Variants in PPP3CA observed in about 807,000 individuals in gnomAD.
PPP3CA encodes the protein protein phosphatase 3 catalytic subunit alpha.
PPP3CA carries 14 observed loss-of-function variants against 66.5 expected under a neutral mutation model. The observed-to-expected ratio is 0.21, with a 90% CI of 0.14 to 0.33. PPP3CA has a LOEUF of 0.33. Ranked by LOEUF, PPP3CA falls within the 10% of genes least tolerant of loss-of-function variation. The probability of loss-of-function intolerance (pLI) is 1.00; values close to 1 mark genes in which losing one functional copy is unlikely to be tolerated. For synonymous variants in PPP3CA, 232 were observed against 226.2 expected (o/e 1.03, Z -0.23); for missense variants, 317 against 639.5 (o/e 0.50, Z 5.44).
intron 2 of PPP3CA, among the ~76,000 whole-genome samples, chr4:101,189,786 G>A (rs1724539089): frequency 6.7e-6 from 1 of 148,578 alleles, no homozygotes; most frequent in Non-Finnish European, 1.5e-5. Flanking sequence ...AAAAAATTAT[G>A]ATCTACTGTC....
At chr4:101,290,589 C>T (rs931292744) in intron 1 of PPP3CA, among the ~76,000 whole-genome samples, 2 of 152,182 alleles carry the variant, frequency 1.3e-5, no homozygotes, top group East Asian at 1.9e-4. Flanking sequence ...GATGGAGCAG[C>T]GATCAAAACA....
At chr4:101,292,020 G>A (rs748779898) in intron 1 of PPP3CA, among the ~76,000 whole-genome samples, 6 of 151,272 alleles carry the variant, frequency 4.0e-5, no homozygotes, top group Non-Finnish European at 7.4e-5. Flanking sequence ...TCAGCTATTC[G>A]AGAGACTGAA....
At chr4:101,205,829 A>G (rs553292719) in intron 1 of PPP3CA, among the ~76,000 whole-genome samples, 2 of 152,340 alleles carry the variant, frequency 1.3e-5, no homozygotes, top group South Asian at 2.1e-4. Context: ...AATGTTAACC[A>G]TTTTTGCATG....
intron 2 of PPP3CA, among the ~76,000 whole-genome samples, chr4:101,132,458 A>T (rs534750538): frequency 6.6e-6 from 1 of 152,340 alleles, no homozygotes; most frequent in East Asian, 1.9e-4. Context: ...ACCATCAGAG[A>T]ATACTATTAA....
chr4:101,041,953 C>A (rs1188555842), intron 10 of PPP3CA, among the ~76,000 whole-genome samples: 1 of 151,958 alleles, frequency 6.6e-6, no homozygotes, highest in African/African-American at 2.4e-5. Flanking sequence ...TAGATGATAA[C>A]TGGTATGTGT....
At chr4:101,305,824 A>G (rs944202583) in intron 1 of PPP3CA, among the ~76,000 whole-genome samples, 1 of 152,196 alleles carries the variant, frequency 6.6e-6, no homozygotes, top group Non-Finnish European at 1.5e-5. Flanking sequence ...CCTTTCATTA[A>G]TATCTTCTTT....
At chr4:101,299,862 A>C (rs1728321900) in intron 1 of PPP3CA, among the ~76,000 whole-genome samples, 1 of 152,194 alleles carries the variant, frequency 6.6e-6, no homozygotes, top group Admixed American at 6.5e-5. Flanking sequence ...ATCATCAAGG[A>C]CCAGCATGCC....
At chr4:101,145,720 A>G (rs1229542484) in intron 2 of PPP3CA, among the ~76,000 whole-genome samples, 4 of 152,216 alleles carry the variant, frequency 2.6e-5, no homozygotes, top group African/African-American at 9.6e-5. Context: ...TTACCCAACA[A>G]TAATTACATG....
intron 8 of PPP3CA, among the ~76,000 whole-genome samples, chr4:101,063,907 G>A (rs940285648): frequency 6.6e-6 from 1 of 151,902 alleles, no homozygotes; most frequent in Non-Finnish European, 1.5e-5. Flanking sequence ...ATAATGCACA[G>A]TAATCAGATC....
intron 2 of PPP3CA, among the ~76,000 whole-genome samples, chr4:101,189,698 A>AC (rs1724532425): frequency 1.3e-5 from 2 of 151,166 alleles, no homozygotes; most frequent in African/African-American, 4.9e-5. Flanking sequence ...AAAAAAAAAA[A>AC]AAAAAACAAA....
chr4:101,279,672 G>A (rs536528447), intron 1 of PPP3CA, among the ~76,000 whole-genome samples: 30 of 152,280 alleles, frequency 2.0e-4, no homozygotes, highest in African/African-American at 6.7e-4. Flanking sequence ...CTGAGCCAAT[G>A]ACATCACCAC....
At chr4:101,334,745 G>T (rs1019571915) in intron 1 of PPP3CA, among the ~76,000 whole-genome samples, 17 of 152,122 alleles carry the variant, frequency 1.1e-4, no homozygotes, top group African/African-American at 4.1e-4. Context: ...AATGTTTCAA[G>T]ATTATTCAAT....
At chr4:101,135,416 T>C (rs1722591925) in intron 2 of PPP3CA, among the ~76,000 whole-genome samples, 1 of 152,172 alleles carries the variant, frequency 6.6e-6, no homozygotes, top group Admixed American at 6.5e-5. Flanking sequence ...TAACACACAC[T>C]GGCAAAACAG....
intron 1 of PPP3CA, among the ~76,000 whole-genome samples, chr4:101,271,767 C>T (rs1727343057): frequency 6.6e-6 from 1 of 151,982 alleles, no homozygotes; most frequent in African/African-American, 2.4e-5. Flanking sequence ...AAAGGTCTCC[C>T]CATAAACTAA....
chr4:101,205,830 T>C (rs1338181177), intron 1 of PPP3CA, among the ~76,000 whole-genome samples: 1 of 152,204 alleles, frequency 6.6e-6, no homozygotes, highest in African/African-American at 2.4e-5. Context: ...ATGTTAACCA[T>C]TTTTGCATGT....
Position 101,093,852 on chromosome 4 carries a change from G to A in PPP3CA, c.706C>T (p.Leu236=). 2.5e-6 allele frequency: 4 copies of A among 1,613,566 alleles called. No individual in the cohort carries two copies. The highest frequency in any genetic ancestry group is 3.4e-6 in the Non-Finnish European group (4 of 1,179,624). ...GTCTTCTCATTTCCAAAATCTTCCAGGGGGTCTGACCACAGGATATCACAC... is the reference window on the plus strand; with the variant it reads ...GTCTTCTCATTTCCAAAATCTTCCAAGGGGTCTGACCACAGGATATCACAC... The part of the protein sequence containing the change: ...PMCDILWSDP[L]EDFGNEKTQE... The change falls in exon 6 of 14, where the codon CTG becomes TTG. Residue 236 remains leucine (L), a synonymous_variant. Transcript: ENST00000394854.
intron 1 of PPP3CA, among the ~76,000 whole-genome samples, chr4:101,281,312 G>C (rs977574035): frequency 4.6e-5 from 7 of 152,130 alleles, no homozygotes; most frequent in African/African-American, 1.4e-4. Context: ...TAAGAACATG[G>C]GCTCAGGAGA....
At chr4:101,279,494 C>T (rs866596680) in intron 1 of PPP3CA, among the ~76,000 whole-genome samples, 33 of 152,100 alleles carry the variant, frequency 2.2e-4, no homozygotes, top group African/African-American at 6.5e-4. Flanking sequence ...TTAGAATTTC[C>T]GTTAGTAAAG....
chr4:101,136,835 G>C (rs1318346525), intron 2 of PPP3CA, among the ~76,000 whole-genome samples: 1 of 151,948 alleles, frequency 6.6e-6, no homozygotes, highest in African/African-American at 2.4e-5. Context: ...CCTTTTGTCT[G>C]TGTGTTTTTG....
Sources: allele counts gnomAD v4.1 joint callset (sites outside exome capture counted in the v4.1 genomes callset), GRCh38; gene constraint gnomAD v4.1.1; transcripts MANE v1.5; gene names NCBI Gene and HGNC (gene_info 2026-07-23, HGNC 2026-07-21).